The following MAP3K15 variants were observed in gnomAD, a reference collection of about 807,000 sequenced individuals.
MAP3K15 encodes MAPK/ERK kinase kinase 15.
MAP3K15 carries 124 observed loss-of-function variants against 99.5 expected under a neutral mutation model. The ratio of observed to expected loss-of-function variants is 1.25; its 90% CI spans 1.08 to 1.45. The LOEUF is 1.45. MAP3K15 is among the 40% of genes most tolerant of loss of function. The pLI is 0.00. For synonymous variants in MAP3K15, 494 were observed against 439.6 expected, an observed-to-expected ratio of 1.12 and a Z score of -1.55; for missense variants, 1,242 against 1,079.7, an observed-to-expected ratio of 1.15 and a Z score of -2.11.
chrX:19,409,749 G>T (rs1372946885), intron 12 of MAP3K15, among the ~76,000 whole-genome samples, 175 bp downstream of exon 12: 1 of 112,357 alleles, frequency 8.9e-6, no homozygotes, highest in Non-Finnish European at 1.9e-5. Flanking sequence ...TTCTCACTAG[G>T]AGTACACTAG....
chrX:19,404,828 G>A (rs2063635776), intron 13 of MAP3K15, among the ~76,000 whole-genome samples: 2 of 111,618 alleles, frequency 1.8e-5, no homozygotes, highest in South Asian at 7.5e-4. Context: ...AAAGAATAAA[G>A]TTGGAACCCC....
intron 1 of MAP3K15, among the ~76,000 whole-genome samples, chrX:19,502,630 C>A (rs1236397554): frequency 9.0e-6 from 1 of 111,512 alleles, no homozygotes; most frequent in Non-Finnish European, 1.9e-5. Context: ...ACCAACCTGG[C>A]CAACATGGCA....
intron 1 of MAP3K15, among the ~76,000 whole-genome samples, chrX:19,510,067 G>C (rs953462792): frequency 1.8e-5 from 2 of 111,578 alleles, no homozygotes; most frequent in Admixed American, 1.9e-4. Context: ...TCCCTGAAAA[G>C]ACCAATAACA....
intron 12 of MAP3K15, among the ~76,000 whole-genome samples, 189 bp downstream of exon 12, chrX:19,409,735 G>C (rs1302614766): frequency 1.8e-5 from 2 of 112,239 alleles, no homozygotes; most frequent in Admixed American, 9.5e-5. Context: ...AATAACCCAA[G>C]AAGTTCTCAC....
At chrX:19,394,789 CTTTTTTTTTTTTTTTTTTTTTTTTTTTT>C (rs144723219) in intron 16 of MAP3K15, among the ~76,000 whole-genome samples, 18 of 17,524 alleles carry the variant, frequency 1.0e-3, no homozygotes, top group Admixed American at 0.01. Flanking sequence ...GGGTCTGTTG[CTTTTTTTTTTTTTTTTTTTTTTTTTTTT>C]TTTTTTTTTT....
intron 1 of MAP3K15, among the ~76,000 whole-genome samples, chrX:19,504,604 A>C (rs1448684906): frequency 8.9e-6 from 1 of 112,152 alleles, no homozygotes; most frequent in Non-Finnish European, 1.9e-5. Context: ...TTGTTTAAAA[A>C]AAAGCCCAAT....
rs2064348826 is a variant in MAP3K15 at position 19,488,944 on chromosome X, C to CG, written c.384dup (p.Asp129ArgfsTer19). 1 of 1,195,803 alleles carries CG rather than the reference C, an allele frequency of 8.4e-7. No individual in the cohort carries two copies. Among genetic ancestry groups the CG allele is most frequent in the Non-Finnish European group, 1.1e-6 (1 of 893,374 alleles). On this transcript the variant is annotated frameshift_variant, in exon 2 of 29. Transcript: ENST00000338883. LOFTEE classifies it high-confidence loss of function. Reference sequence around the variant, plus strand: ...AAGAGGGAAGGCTGTCTGGAGACATCGCTCATGTCTACCACAGCAACATCT... The same window carrying CG: ...AAGAGGGAAGGCTGTCTGGAGACATCGGCTCATGTCTACCACAGCAACATCT...
chrX:19,462,063 T>C (rs1452627240), intron 4 of MAP3K15, among the ~76,000 whole-genome samples: 1 of 109,623 alleles, frequency 9.1e-6, no homozygotes, highest in African/African-American at 3.4e-5. Context: ...ATGGACTAAC[T>C]GCAGAGTGTA....
intron 1 of MAP3K15, among the ~76,000 whole-genome samples, chrX:19,509,491 C>G (rs1383892985): frequency 1.8e-5 from 2 of 111,993 alleles, no homozygotes; most frequent in African/African-American, 6.5e-5. Context: ...TCCTGAATGA[C>G]TACTGGGTAA....
intron 1 of MAP3K15, among the ~76,000 whole-genome samples, chrX:19,491,844 C>T (rs2064370876): frequency 9.1e-6 from 1 of 110,159 alleles, no homozygotes; most frequent in Non-Finnish European, 1.9e-5. Context: ...CCACCATGCC[C>T]GGCTAATTTT....
chrX:19,364,228 C>T (rs1483542614), intron 25 of MAP3K15, among the ~76,000 whole-genome samples: 3 of 112,110 alleles, frequency 2.7e-5, no homozygotes, highest in Non-Finnish European at 5.6e-5. Flanking sequence ...AAGGGACCGC[C>T]TCCTGAAACC....
At chrX:19,397,356 T>C (rs2063574387) in intron 15 of MAP3K15, among the ~76,000 whole-genome samples, 1 of 112,339 alleles carries the variant, frequency 8.9e-6, no homozygotes, top group South Asian at 3.7e-4. Context: ...TTTATCTGCA[T>C]GTAATTTTCC....
intron 19 of MAP3K15, among the ~76,000 whole-genome samples, chrX:19,377,902 G>A (rs756139143): frequency 1.8e-5 from 2 of 112,354 alleles, no homozygotes; most frequent in South Asian, 7.3e-4. Flanking sequence ...GACTCTTGTC[G>A]ACTTGAGGTC....
intron 18 of MAP3K15, 39 bp from the exon 19 acceptor site, chrX:19,380,316 T>C (rs781200857): frequency 8.4e-7 from 1 of 1,193,982 alleles, no homozygotes; most frequent in African/African-American, 1.7e-5. Context: ...GGGTACCATA[T>C]TGCTCAGAAA....
At chrX:19,403,676 C>A (rs989614723) in intron 13 of MAP3K15, among the ~76,000 whole-genome samples, 2 of 107,322 alleles carry the variant, frequency 1.9e-5, no homozygotes, top group Non-Finnish European at 3.8e-5. Context: ...CCATGTCGCC[C>A]AGGCTGGTCT....
intron 3 of MAP3K15, among the ~76,000 whole-genome samples, chrX:19,469,998 C>A (rs1242623540): frequency 9.0e-6 from 1 of 110,851 alleles, no homozygotes; most frequent in Non-Finnish European, 1.9e-5. Flanking sequence ...TGTGGCGATT[C>A]CTCAGGGATC....
intron 9 of MAP3K15, among the ~76,000 whole-genome samples, chrX:19,421,665 A>T (rs1287519212): frequency 1.2e-3 from 116 of 93,952 alleles, no homozygotes; most frequent in Non-Finnish European, 2.0e-3. Flanking sequence ...TCTTCATGGA[A>T]TTGGAAAAAA....
At chrX:19,372,864 C>T (rs5955762) in intron 21 of MAP3K15, 37 bp from the exon 22 acceptor site, 53,897 of 1,176,859 alleles carry the variant, frequency 0.046, 2,769 homozygotes, top group African/African-American at 0.32. Flanking sequence ...CTGTGCGTGC[C>T]GGGGCACTGT....
intron 3 of MAP3K15, among the ~76,000 whole-genome samples, chrX:19,483,040 G>A (rs2064301322): frequency 9.1e-6 from 1 of 109,465 alleles, no homozygotes; most frequent in African/African-American, 3.3e-5. Context: ...TCTGAGGCCA[G>A]GAGTTTGAGA....
Sources: allele counts gnomAD v4.1 joint callset (sites outside exome capture counted in the v4.1 genomes callset), GRCh38; gene constraint gnomAD v4.1.1; transcripts MANE v1.5; gene names NCBI Gene and HGNC (gene_info 2026-07-23, HGNC 2026-07-21).